OOSP1: variants seen among roughly 807,000 people sequenced by gnomAD.
The protein encoded by OOSP1 is putative oocyte-secreted protein 1 homolog.
In OOSP1, 11 loss-of-function variants were observed where a neutral mutation model predicts 5.7. That is an observed-to-expected ratio of 1.94 (90% CI 1.22 to 3.20). The LOEUF is 3.20. Ranked by LOEUF, OOSP1 falls within the 30% of genes most tolerant of loss-of-function variation. OOSP1 has a pLI of 0.00. For synonymous variants in OOSP1, 44 were observed against 20.0 expected, an observed-to-expected ratio of 2.20 and a Z score of -3.20; for missense variants, 83 against 54.1, an observed-to-expected ratio of 1.53 and a Z score of -1.67.
At chr11:59,946,916 TA>T (rs1853889685) in intron 3 of OOSP1, among the ~76,000 whole-genome samples, 1 of 16,972 alleles carries the variant, frequency 5.9e-5, no homozygotes, top group African/African-American at 2.2e-4. Context: ...TCATCTACCA[TA>T]TCTATCTATC....
rs141190167 is a variant in OOSP1 at position 59,941,731 on chromosome 11, C to T, written c.77-1116C>T. Reference sequence around the variant, plus strand: ...ATTTTTATTTCCCTGGGATAAATGCCGAAGAGTTTAATTGTTGAGTCATAT... The same window carrying T: ...ATTTTTATTTCCCTGGGATAAATGCTGAAGAGTTTAATTGTTGAGTCATAT... On this transcript the variant is annotated intron_variant, in intron 1 of 4. Transcript: ENST00000646685. Among the ~76,000 whole-genome samples, 185 of 152,078 alleles carry T rather than the reference C, an allele frequency of 1.2e-3. 1 individual carries two copies. Among genetic ancestry groups the T allele is most frequent in the Admixed American group, 1.8e-3 (28 of 15,270 alleles).
intron 1 of OOSP1, among the ~76,000 whole-genome samples, chr11:59,942,300 T>G (rs539933402): frequency 6.6e-6 from 1 of 152,290 alleles, no homozygotes; most frequent in East Asian, 1.9e-4. Flanking sequence ...AAAAACTTAA[T>G]GTCCAGATAT....
rs1853999120 is a variant in OOSP1 at position 59,956,929 on chromosome 11, A to ATG, written c.487-266_487-265insTG. Among the ~76,000 whole-genome samples the ATG allele has an allele frequency of 4.6e-5, 7 of 152,218 alleles. No individual in the cohort carries two copies. In the South Asian group the frequency reaches 1.5e-3, roughly 32 times the overall value. On this transcript the variant is annotated intron_variant, in intron 4 of 4. Coordinates refer to ENST00000646685, the Ensembl canonical transcript of OOSP1. Reference sequence around the variant, plus strand: ...GTAGTATTCCATTATATATATATATAACAGTTTCTTTATCCACTCGTTGAT... The same window carrying ATG: ...GTAGTATTCCATTATATATATATATATGACAGTTTCTTTATCCACTCGTTGAT...
At chr11:59,954,659 A>ATCTATCTATCTG (rs1468852708) in intron 4 of OOSP1, among the ~76,000 whole-genome samples, 1 of 151,778 alleles carries the variant, frequency 6.6e-6, no homozygotes, top group African/African-American at 2.4e-5. Flanking sequence ...CTATCTATCT[A>ATCTATCTATCTG]TCTATCTATC....
At chr11:59,938,972 G>T (rs1042580822) in intron 1 of OOSP1, among the ~76,000 whole-genome samples, 3 of 152,068 alleles carry the variant, frequency 2.0e-5, no homozygotes, top group African/African-American at 7.2e-5. Context: ...ATTTCAGAGG[G>T]AGCAGTCAGT....
chr11:59,947,656 A>G (rs554848391), intron 3 of OOSP1, 77 bp from the exon 4 acceptor site: 91 of 396,390 alleles, frequency 2.3e-4, no homozygotes, highest in Middle Eastern at 6.3e-4. Context: ...TTTGGCCCCA[A>G]GTTCAGCCTT....
At chr11:59,938,700 A>G (rs1381162883) in intron 1 of OOSP1, among the ~76,000 whole-genome samples, 170 bp downstream of exon 1, 3 of 152,236 alleles carry the variant, frequency 2.0e-5, no homozygotes, top group African/African-American at 4.8e-5. Context: ...TTTCTCTTGC[A>G]TACCGGCACT....
At chr11:59,952,606 G>A (rs1853951326) in intron 4 of OOSP1, among the ~76,000 whole-genome samples, 1 of 152,166 alleles carries the variant, frequency 6.6e-6, no homozygotes, top group Non-Finnish European at 1.5e-5. Context: ...GACATGCAGA[G>A]TGATATAATG....
At chr11:59,948,173 C>A (rs182126945) in intron 4 of OOSP1, among the ~76,000 whole-genome samples, 37 of 152,190 alleles carry the variant, frequency 2.4e-4, no homozygotes, top group Admixed American at 2.4e-3. Flanking sequence ...CAATAAAGTT[C>A]TGAATTGTAA....
intron 1 of OOSP1, among the ~76,000 whole-genome samples, chr11:59,940,772 G>A (rs991155998): frequency 6.6e-6 from 1 of 152,130 alleles, no homozygotes; most frequent in Admixed American, 6.5e-5. Flanking sequence ...ATTCTAATTG[G>A]TGCTCACAGA....
chr11:59,950,890 G>GT (rs141283027), intron 4 of OOSP1, among the ~76,000 whole-genome samples: 2,616 of 148,018 alleles, frequency 0.018, 87 homozygotes, highest in African/African-American at 0.056. Flanking sequence ...CATGGTAATA[G>GT]TTTTTTTTTT....
intron 3 of OOSP1, among the ~76,000 whole-genome samples, chr11:59,946,570 A>G (rs1853885772): frequency 6.6e-6 from 1 of 152,222 alleles, no homozygotes; most frequent in Non-Finnish European, 1.5e-5. Flanking sequence ...TTATTGAAAA[A>G]TGAAATGATG....
intron 2 of OOSP1, among the ~76,000 whole-genome samples, chr11:59,944,402 G>A (rs1372835680): frequency 6.6e-6 from 1 of 151,906 alleles, no homozygotes; most frequent in Non-Finnish European, 1.5e-5. Flanking sequence ...GAATAATCTG[G>A]GTGGTGGTAG....
intron 1 of OOSP1, among the ~76,000 whole-genome samples, chr11:59,942,525 A>G (rs1317704410): frequency 1.3e-5 from 2 of 152,212 alleles, no homozygotes; most frequent in African/African-American, 4.8e-5. Context: ...TATAAACATT[A>G]TAATATAGAT....
At chr11:59,950,320 T>G (rs1213641118) in intron 4 of OOSP1, among the ~76,000 whole-genome samples, 2 of 151,908 alleles carry the variant, frequency 1.3e-5, no homozygotes, top group Admixed American at 6.6e-5. Context: ...AGGTCTAGAG[T>G]TCAGAGGGAG....
intron 4 of OOSP1, among the ~76,000 whole-genome samples, chr11:59,951,801 A>G (rs1465304307): frequency 2.3e-5 from 1 of 43,768 alleles, no homozygotes; most frequent in African/African-American, 9.6e-5. Context: ...TTTTTTTTTT[A>G]GCTGACAACC....
chr11:59,956,961 G>A (rs1395149426), intron 4 of OOSP1, among the ~76,000 whole-genome samples: 1 of 152,034 alleles, frequency 6.6e-6, no homozygotes, highest in Non-Finnish European at 1.5e-5. Context: ...TGATTGATGG[G>A]CATTTGGGTT....
chr11:59,956,187 C>CCTT (rs371830484), intron 4 of OOSP1, among the ~76,000 whole-genome samples: 1 of 151,724 alleles, frequency 6.6e-6, no homozygotes, highest in African/African-American at 2.4e-5. Flanking sequence ...TCTCTCCTTT[C>CCTT]CTTCTTCTTC....
At chr11:59,938,919 A>T (rs1853797640) in intron 1 of OOSP1, among the ~76,000 whole-genome samples, 1 of 152,176 alleles carries the variant, frequency 6.6e-6, no homozygotes, top group South Asian at 2.1e-4. Flanking sequence ...AAAGCCTTAT[A>T]AGGCTTAGCC....
Sources: gnomAD v4.1 joint callset for allele counts (sites outside exome capture counted in the v4.1 genomes callset) on GRCh38, gnomAD v4.1.1 for gene constraint, MANE v1.5 for transcripts, NCBI Gene and HGNC (gene_info 2026-07-23, HGNC 2026-07-21) for gene names.